BCKDK: variants seen among roughly 807,000 people sequenced by gnomAD.
The protein encoded by BCKDK is branched-chain alpha-ketoacid dehydrogenase kinase.
BCKDK carries 28 observed loss-of-function variants against 43.9 expected under a neutral mutation model. That is an observed-to-expected ratio of 0.64 (90% confidence interval 0.47 to 0.87). The LOEUF (loss-of-function observed/expected upper bound fraction) is 0.87, where lower values mean the gene tolerates loss of function less well. Ranked by LOEUF, BCKDK falls within the 40% of genes least tolerant of loss-of-function variation. The pLI, the probability that BCKDK is intolerant of heterozygous loss-of-function variation, is 0.00. For missense variants in BCKDK, 483 were observed against 581.4 expected, an observed-to-expected ratio of 0.83 and a Z score of 1.74; for synonymous variants, 257 against 234.3, an observed-to-expected ratio of 1.10 and a Z score of -0.88.
At chr16:31,113,967 G>GT (rs1374456366), downstream of BCKDK, among the ~76,000 whole-genome samples, 8 of 152,316 alleles carry the variant, frequency 5.3e-5, no homozygotes, top group East Asian at 1.5e-3. Context: ...AGGGTTGAAG[G>GT]TAAGAGAGCT....
At chr16:31,113,591 C>T (rs2057429734), downstream of BCKDK, among the ~76,000 whole-genome samples, 1 of 152,162 alleles carries the variant, frequency 6.6e-6, no homozygotes, top group African/African-American at 2.4e-5. Context: ...ATTCTCCCAC[C>T]TCAGCCTTCT....
At chr16:31,115,462 A>T (rs2143952193), downstream of BCKDK, among the ~76,000 whole-genome samples, 1 of 151,830 alleles carries the variant, frequency 6.6e-6, no homozygotes, top group East Asian at 1.9e-4. Flanking sequence ...ACCTCAGGTG[A>T]TCTGCCTGCC....
downstream of BCKDK, chr16:31,117,480 G>C: frequency 2.4e-6 from 1 of 413,650 alleles, no homozygotes; most frequent in East Asian, 3.6e-5. Flanking sequence ...CCACAGGTCC[G>C]CACGGAAAAC....
At chr16:31,113,621 G>A (rs2057429927), downstream of BCKDK, among the ~76,000 whole-genome samples, 1 of 152,146 alleles carries the variant, frequency 6.6e-6, no homozygotes, top group Non-Finnish European at 1.5e-5. Context: ...GGACCATCAT[G>A]CCAGGCTAAA....
rs771599293 is a variant in BCKDK at position 31,109,588 on chromosome 16, C to T, written c.264+9C>T. On this transcript the variant is annotated intron_variant, in intron 3 of 11. Coordinates refer to ENST00000219794, the MANE Select transcript of BCKDK (RefSeq NM_005881.4). This position sits in a 1 kb window ranked among gnomAD's most constrained non-coding sequence, Gnocchi z 5.3. ...ACGGCAGCCACCTTCTGGTAAGATTCACGCCCTCTATTTTCCTCGTGGATC... is the reference window on the plus strand; with the variant it reads ...ACGGCAGCCACCTTCTGGTAAGATTTACGCCCTCTATTTTCCTCGTGGATC... The T allele has an allele frequency of 6.2e-7, 1 of 1,614,102 alleles. No homozygotes were observed. The highest frequency in any genetic ancestry group is 1.7e-5 in the Admixed American group (1 of 60,026).
chr16:31,108,988 AG>A lies in BCKDK; in HGVS notation c.-177-58del, dbSNP rs1281863721. On this transcript the variant is annotated intron_variant, in intron 1 of 11. Transcript: ENST00000219794. This position sits in a 1 kb window ranked among gnomAD's most constrained non-coding sequence, Gnocchi z 6.2. ...TGGGGAGACCGATGCACAGGTGGAGAGATGGTGCGGGTTCTGTGGATTCGGA... is the reference window on the plus strand; with the variant it reads ...TGGGGAGACCGATGCACAGGTGGAGAATGGTGCGGGTTCTGTGGATTCGGA... 9.0e-6 allele frequency: 4 copies of A among 444,334 alleles called. No homozygotes were observed. The highest frequency in any genetic ancestry group is 4.0e-5 in the African/African-American group (2 of 49,604). 27.5% of individuals were successfully genotyped at this position (444,334 alleles called of 1,614,324 possible).
Position 31,110,222 on chromosome 16 carries a change from C to T in BCKDK, c.441C>T (p.Asp147=), listed in dbSNP as rs1347807453. ...ACCTGCAGATCAAGGACCAGGCGGA[C>T]GAGGCCCAGTACTGCCAGCTGGTGC... The part of the protein sequence containing the change: ...TDFPPIKDQA[D]EAQYCQLVRQ... The change falls in exon 6 of 12, where the codon GAC becomes GAT. Residue 147 remains aspartate (D), a synonymous_variant. Coordinates refer to ENST00000219794, the MANE Select transcript of BCKDK (RefSeq NM_005881.4). This position sits in a 1 kb window ranked among gnomAD's most constrained non-coding sequence, Gnocchi z 5.4. 9.3e-6 allele frequency: 15 copies of T among 1,614,038 alleles called. No individual in the cohort carries two copies. The highest frequency in any genetic ancestry group is 4.5e-5 in the East Asian group (2 of 44,880).
downstream of BCKDK, among the ~76,000 whole-genome samples, chr16:31,113,214 A>G (rs534529619): frequency 3.9e-5 from 6 of 152,348 alleles, no homozygotes; most frequent in South Asian, 1.2e-3. Flanking sequence ...GGAGAACTGG[A>G]AAGTTCTCTT....
rs2057395447 is a variant in BCKDK, at chr16:31,109,822, C to T, written c.375+39C>T. 1 of 1,595,600 alleles carries T rather than the reference C, an allele frequency of 6.3e-7. No individual in the cohort carries two copies. The highest frequency in any genetic ancestry group is 8.6e-7 in the Non-Finnish European group (1 of 1,164,124). On this transcript the variant is annotated intron_variant, in intron 4 of 11. Transcript: ENST00000219794. This position sits in a 1 kb window ranked among gnomAD's most constrained non-coding sequence, Gnocchi z 5.3. ...GACCTTAGGTCAGCGGGCCACCCTG[C>T]CCCGGGGGCAAGTGGGGAGTCTGGG...
At chr16:31,111,809 G>C (rs569914362) in intron 10 of BCKDK, 60 bp from the exon 11 acceptor site, 49 of 1,597,064 alleles carry the variant, frequency 3.1e-5, no homozygotes, top group African/African-American at 2.5e-4. Context: ...TGTCTGCTTG[G>C]GGGGTGGTGA....
chr16:31,112,469 G>A lies in BCKDK; in HGVS notation c.*204G>A. The A allele has an allele frequency of 1.2e-6, 1 of 823,938 alleles. No individual in the cohort carries two copies. Among genetic ancestry groups the A allele is most frequent in the East Asian group, 2.7e-5 (1 of 37,278 alleles). The allele number at this position is 823,938 out of a possible 1,614,324, so 51.0% of individuals were successfully genotyped here. ...CCTCGCCTCCAGAACTTGGAGCAGGGAAGTGGGCACCCTGAGGCCTCCAGC... is the reference window on the plus strand; with the variant it reads ...CCTCGCCTCCAGAACTTGGAGCAGGAAAGTGGGCACCCTGAGGCCTCCAGC... On this transcript the variant is annotated 3_prime_UTR_variant, in exon 12 of 12. Coordinates refer to ENST00000219794, the MANE Select transcript of BCKDK (RefSeq NM_005881.4). This position sits in a 1 kb window ranked among gnomAD's most constrained non-coding sequence, Gnocchi z 5.0.
downstream of BCKDK, chr16:31,112,813 TAA>T: frequency 4.7e-6 from 1 of 211,546 alleles, no homozygotes; most frequent in South Asian, 6.6e-5. The surrounding 1 kb of genome is among the most constrained non-coding windows in gnomAD (Gnocchi z 5.0). Context: ...GGGTCCCAGA[TAA>T]TATTGAAGGC....
Position 31,109,062 on chromosome 16 carries a change from C to T in BCKDK, c.-162C>T. 1.7e-6 allele frequency: 1 copy of T among 588,412 alleles called. No homozygotes were observed. The highest frequency in any genetic ancestry group is 2.8e-6 in the Non-Finnish European group (1 of 356,900). The allele number at this position is 588,412 out of a possible 1,614,324, so 36.4% of individuals were successfully genotyped here. On this transcript the variant is annotated 5_prime_UTR_variant, in exon 2 of 12. Transcript: ENST00000219794. The surrounding 1 kb of genome is among the most constrained non-coding windows in gnomAD (Gnocchi z 5.3). Reference sequence around the variant, plus strand: ...GCCCCGGTAGATGGGAGCTGCTCTCCGCGGGCTGAGCCTGTCAGCATCCTC... The same window carrying T: ...GCCCCGGTAGATGGGAGCTGCTCTCTGCGGGCTGAGCCTGTCAGCATCCTC...
downstream of BCKDK, among the ~76,000 whole-genome samples, chr16:31,114,268 C>T (rs1355542415): frequency 6.6e-6 from 1 of 150,626 alleles, no homozygotes; most frequent in Non-Finnish European, 1.5e-5. Context: ...GCTGGATCTT[C>T]GCTCACTGCA....
At chr16:31,114,166 G>C (rs1389288401), downstream of BCKDK, among the ~76,000 whole-genome samples, 2 of 152,078 alleles carry the variant, frequency 1.3e-5, no homozygotes, top group Non-Finnish European at 2.9e-5. Flanking sequence ...AGAGGATCTG[G>C]GTGGAGCACC....
chr16:31,115,006 C>T (rs2143951638), downstream of BCKDK, among the ~76,000 whole-genome samples: 1 of 152,162 alleles, frequency 6.6e-6, no homozygotes, highest in East Asian at 1.9e-4. Context: ...CTCACTGCAA[C>T]CTCCACCTCC....
Position 31,112,308 on chromosome 16 carries a change from A to G in BCKDK, c.*43A>G, listed in dbSNP as rs1241260311. ...TGCTCACCCGACCAGCCTGGGCCGC[A>G]TTCCCTGCAGGACCTCCCGGGTCAG... On this transcript the variant is annotated 3_prime_UTR_variant, in exon 12 of 12. Coordinates refer to ENST00000219794, the MANE Select transcript of BCKDK (RefSeq NM_005881.4). The surrounding 1 kb of genome is among the most constrained non-coding windows in gnomAD (Gnocchi z 5.0). The G allele has an allele frequency of 2.5e-6, 4 of 1,602,068 alleles. No homozygotes were observed. Among genetic ancestry groups the G allele is most frequent in the Non-Finnish European group, 3.4e-6 (4 of 1,179,850 alleles).
Position 31,112,298 on chromosome 16 carries a change from C to G in BCKDK, c.*33C>G, listed in dbSNP as rs752947416. 2 of 1,603,396 alleles carry G rather than the reference C, an allele frequency of 1.2e-6. No homozygotes were observed. The highest frequency in any genetic ancestry group is 1.7e-6 in the Non-Finnish European group (2 of 1,179,910). ...GCCTTTGGCCTGCTCACCCGACCAG[C>G]CTGGGCCGCATTCCCTGCAGGACCT... On this transcript the variant is annotated 3_prime_UTR_variant, in exon 12 of 12. Coordinates refer to ENST00000219794, the MANE Select transcript of BCKDK (RefSeq NM_005881.4). The surrounding 1 kb of genome is among the most constrained non-coding windows in gnomAD (Gnocchi z 5.0).
At position 31,112,450 on chromosome 16, in the gene BCKDK, C is replaced by T. The variant is rs1403213680; in HGVS notation, c.*185C>T. The T allele has an allele frequency of 2.0e-6, 2 of 983,740 alleles. No individual in the cohort carries two copies. The highest frequency in any genetic ancestry group is 3.1e-6 in the Non-Finnish European group (2 of 648,400). The allele number at this position is 983,740 out of a possible 1,614,324, so 60.9% of individuals were successfully genotyped here. On this transcript the variant is annotated 3_prime_UTR_variant, in exon 12 of 12. Coordinates refer to ENST00000219794, the MANE Select transcript of BCKDK (RefSeq NM_005881.4). The surrounding 1 kb of genome is among the most constrained non-coding windows in gnomAD (Gnocchi z 5.0). The stretch of plus-strand genomic sequence containing the variant: ...TCAACAGGGTCCATTGCCTCCTCGC[C>T]TCCAGAACTTGGAGCAGGGAAGTGG...
Sources: gnomAD v4.1 joint callset for allele counts (sites outside exome capture counted in the v4.1 genomes callset) on GRCh38, gnomAD v4.1.1 for gene constraint, Gnocchi (gnomAD v3.1) non-coding constraint, MANE v1.5 for transcripts, NCBI Gene and HGNC (gene_info 2026-07-23, HGNC 2026-07-21) for gene names.